ZNF875: variants seen among roughly 807,000 people sequenced by gnomAD.
ZNF875 encodes the protein HKR1, GLI-Kruppel zinc finger family member.
In ZNF875, 14 loss-of-function variants were observed where a neutral mutation model predicts 11.2. The ratio of observed to expected loss-of-function variants is 1.26; its 90% CI spans 0.83 to 1.96. ZNF875 has a LOEUF of 1.96. ZNF875 is among the 30% of genes most tolerant of loss of function. The pLI, the probability that ZNF875 is intolerant of heterozygous loss-of-function variation, is 0.00. For missense variants in ZNF875, 752 were observed against 760.4 expected, an observed-to-expected ratio of 0.99 and a Z score of 0.13; for synonymous variants, 301 against 281.1, an observed-to-expected ratio of 1.07 and a Z score of -0.71.
At position 37,362,781 on chromosome 19, in the gene ZNF875, A is replaced by G. The variant is rs559715244; in HGVS notation, c.929A>G (p.Tyr310Cys). 6.8e-6 allele frequency: 11 copies of G among 1,613,396 alleles called. No individual in the cohort carries two copies. Among genetic ancestry groups the G allele is most frequent in the South Asian group, 2.2e-5 (2 of 91,006 alleles). ...AGGACACACTCAGGGGAGAAACCTT[A>G]TGTGTGCAAGGATTGTGGACGAGGC... is the stretch of plus-strand genomic sequence containing the variant. ...HQRTHSGEKP[Y>C]VCKDCGRGFT... The change falls in exon 5 of 5, where the codon TAT becomes TGT. Residue 310 changes from tyrosine to cysteine, a missense_variant. Physicochemically the swap from Tyr to Cys is radical, Grantham distance 194 (BLOSUM62 -2). Transcript: ENST00000392153.
At chr19:37,317,306 C>T (rs573856947), upstream of ZNF875, among the ~76,000 whole-genome samples, 1 of 150,434 alleles carries the variant, frequency 6.6e-6, no homozygotes, top group Admixed American at 6.6e-5. Context: ...CTGCCTCAGC[C>T]TCTCCGAGTA....
chr19:37,361,109 CTTTTTTTTTTTTT>C (rs772368148), intron 4 of ZNF875, among the ~76,000 whole-genome samples: 1 of 115,822 alleles, frequency 8.6e-6, no homozygotes, highest in Admixed American at 9.4e-5. Context: ...TTGTCTTCTC[CTTTTTTTTTTTTT>C]TTTTTTTGAG....
chr19:37,361,929 AAAAC>A (rs1464387778), intron 4 of ZNF875, 176 bp from the exon 5 acceptor site: 3 of 571,200 alleles, frequency 5.3e-6, no homozygotes, highest in Non-Finnish European at 3.1e-6. Context: ...AAAAAACAAA[AAAAC>A]AAAAGAAAGT....
chr19:37,351,208 C>T (rs1026157437), intron 4 of ZNF875, among the ~76,000 whole-genome samples: 5 of 152,122 alleles, frequency 3.3e-5, no homozygotes, highest in Non-Finnish European at 7.4e-5. Context: ...TCCACTTAAC[C>T]TCAGCAGTTA....
chr19:37,337,137 C>CT (rs1446846141), intron 2 of ZNF875: 1 of 149,042 alleles, frequency 6.7e-6, no homozygotes, highest in Non-Finnish European at 1.5e-5. Flanking sequence ...TGAACAACGT[C>CT]TTTATCATTT....
rs191564746 is a variant in ZNF875, at chr19:37,319,321, C to T, written c.-747+1135C>T. 7.2e-3 allele frequency among the ~76,000 whole-genome samples: 901 copies of T among 125,510 alleles called. 10 individuals carry two copies. The highest frequency in any genetic ancestry group is 0.011 in the Non-Finnish European group (680 of 62,592). 82.3% of individuals were successfully genotyped at this position (125,510 alleles called of 152,430 possible). A position where few individuals can be genotyped will look rare whatever the true frequency, so the allele number is the denominator to read the frequency against. ...TGGGCCTCCCAAAGTGCTGGGATTA[C>T]AGGTGTGCTCCACTGCAGCCGGCAT... is the stretch of plus-strand genomic sequence containing the variant. On this transcript the variant is annotated intron_variant, in intron 1 of 5. Coordinates refer to the ZNF875 transcript ENST00000544914.
At chr19:37,319,953 C>G (rs899140776) in intron 1 of ZNF875, among the ~76,000 whole-genome samples, 2 of 152,172 alleles carry the variant, frequency 1.3e-5, no homozygotes, top group African/African-American at 2.4e-5. Flanking sequence ...GTGGTGTGAT[C>G]TCAGCTCACT....
At position 37,362,334 on chromosome 19, in the gene ZNF875, C is replaced by T. The variant is rs1393865004; in HGVS notation, c.482C>T (p.Ser161Phe). 1.5e-5 allele frequency: 25 copies of T among 1,613,988 alleles called. No homozygotes were observed. In the Admixed American group the frequency reaches 4.0e-4, roughly 26 times the overall value. The change falls in exon 5 of 5, where the codon TCC becomes TTC. Residue 161 changes from serine to phenylalanine, a missense_variant. Transcript: ENST00000392153. ...GAATGGATTCAAGAGGGAGAAGACT[C>T]CAGACTCCTGTTTGGGAGAGTAAGC... is the stretch of plus-strand genomic sequence containing the variant. ...KAEWIQEGED[S>F]RLLFGRVSKN...
chr19:37,347,617 T>C, intron 3 of ZNF875, 160 bp from the exon 4 acceptor site: 1 of 620,708 alleles, frequency 1.6e-6, no homozygotes, highest in South Asian at 2.0e-5. Flanking sequence ...TCTTTCTGAC[T>C]GGAGTCACCT....
intron 2 of ZNF875, among the ~76,000 whole-genome samples, chr19:37,335,566 C>T (rs1257352579): frequency 6.6e-6 from 1 of 152,190 alleles, no homozygotes; most frequent in Non-Finnish European, 1.5e-5. Flanking sequence ...GGGCCCTGAG[C>T]TTTACACAAC....
chr19:37,350,262 A>C (rs539095108), intron 4 of ZNF875, among the ~76,000 whole-genome samples: 1 of 151,308 alleles, frequency 6.6e-6, no homozygotes, highest in East Asian at 2.0e-4. Context: ...CATGCATGCC[A>C]CCACGCCCGG....
chr19:37,336,432 T>G (rs1036646007), intron 2 of ZNF875, among the ~76,000 whole-genome samples: 2 of 151,106 alleles, frequency 1.3e-5, no homozygotes, highest in African/African-American at 4.9e-5. Flanking sequence ...CCTGAGTAGC[T>G]GGGACTACAG....
At chr19:37,356,863 C>G (rs942025706) in intron 4 of ZNF875, among the ~76,000 whole-genome samples, 11 of 152,148 alleles carry the variant, frequency 7.2e-5, no homozygotes, top group African/African-American at 2.4e-4. Flanking sequence ...GTTTTTGTTG[C>G]AATCGCTTTT....
At chr19:37,312,972 C>A (rs1006815266), upstream of ZNF875, 2 of 152,176 alleles carry the variant, frequency 1.3e-5, no homozygotes, top group African/African-American at 4.8e-5. Flanking sequence ...TTAGTTGTTT[C>A]TTCCCGCCCA....
intron 4 of ZNF875, among the ~76,000 whole-genome samples, chr19:37,328,354 T>G (rs2032856639): frequency 6.6e-6 from 1 of 152,132 alleles, no homozygotes; most frequent in African/African-American, 2.4e-5. Flanking sequence ...TCCCCAAAGT[T>G]CATGTGTTGG....
At chr19:37,347,140 G>A (rs2036950724) in intron 2 of ZNF875, 50 bp from the exon 3 acceptor site, 1 of 1,612,072 alleles carries the variant, frequency 6.2e-7, no homozygotes, top group African/African-American at 1.3e-5. Context: ...CTAAAGTGTG[G>A]GAGGGAAAGA....
At chr19:37,345,440 G>C (rs2036581644) in intron 2 of ZNF875, among the ~76,000 whole-genome samples, 1 of 152,196 alleles carries the variant, frequency 6.6e-6, no homozygotes. Flanking sequence ...TCCCTGGGAA[G>C]GGTACAGTGT....
At chr19:37,340,712 G>C (rs920441853) in intron 2 of ZNF875, among the ~76,000 whole-genome samples, 6 of 138,132 alleles carry the variant, frequency 4.3e-5, no homozygotes, top group South Asian at 2.4e-4. Context: ...GCAGTGTCAC[G>C]ATCTCAGCTC....
intron 2 of ZNF875, among the ~76,000 whole-genome samples, 162 bp downstream of exon 2, chr19:37,335,419 G>T (rs902914108): frequency 2.6e-5 from 4 of 152,142 alleles, no homozygotes; most frequent in Admixed American, 6.5e-5. Flanking sequence ...CTTGTAGAGC[G>T]TCCGATTCTG....
Sources: allele counts gnomAD v4.1 joint callset (sites outside exome capture counted in the v4.1 genomes callset), GRCh38; gene constraint gnomAD v4.1.1; transcripts MANE v1.5; gene names NCBI Gene and HGNC (gene_info 2026-07-23, HGNC 2026-07-21).